Variants in GRM4 observed in about 807,000 individuals in gnomAD.
GRM4 encodes the protein glutamate metabotropic receptor 4.
Under a neutral mutation model 81.7 loss-of-function variants are expected in GRM4, and 28 were observed. The ratio of observed to expected loss-of-function variants is 0.34; its 90% CI spans 0.25 to 0.47. GRM4 has a LOEUF of 0.47. Among genes scored for constraint, GRM4 ranks in the 20% least tolerant of loss-of-function variants. The pLI is 1.00. For missense variants in GRM4, 948 were observed against 1,290.0 expected (o/e 0.73, Z 4.06); for synonymous variants, 488 against 528.8 (o/e 0.92, Z 1.06).
Position 34,068,983 on chromosome 6 carries a change from C to A in GRM4, c.737-6955G>T, listed in dbSNP as rs561997333. On this transcript the variant is annotated intron_variant, in intron 3 of 10. Transcript: ENST00000538487. This position sits in a 1 kb window ranked among gnomAD's most constrained non-coding sequence, Gnocchi z 4.2. ...GAGGAAAATAATGAAAAGACAAACC[C>A]TAGGAATTCAAGTGGAAAAATCTAC... Among the ~76,000 whole-genome samples the A allele has an allele frequency of 6.6e-6, 1 of 152,018 alleles. No individual in the cohort carries two copies. The highest frequency in any genetic ancestry group is 1.5e-5 in the Non-Finnish European group (1 of 67,958).
chr6:34,118,035 G>A (rs1561823211), intron 2 of GRM4, among the ~76,000 whole-genome samples: 1 of 152,284 alleles, frequency 6.6e-6, no homozygotes, highest in African/African-American at 2.4e-5. Flanking sequence ...GACAAAAGCT[G>A]GCTACAGAAC....
chr6:34,077,651 A>AC (rs895863108), intron 3 of GRM4, among the ~76,000 whole-genome samples: 6 of 145,934 alleles, frequency 4.1e-5, no homozygotes, highest in Admixed American at 1.4e-4. Flanking sequence ...CTCCTCTCCC[A>AC]CCCCCAACTC....
intron 6 of GRM4, among the ~76,000 whole-genome samples, chr6:34,041,502 ATCC>A (rs1289592772): frequency 6.6e-6 from 1 of 151,916 alleles, no homozygotes; most frequent in Admixed American, 6.5e-5. Context: ...CTGACCTCCC[ATCC>A]TCCTCCCCTC....
At chr6:34,091,003 C>T (rs927226096) in intron 3 of GRM4, among the ~76,000 whole-genome samples, 1 of 152,036 alleles carries the variant, frequency 6.6e-6, no homozygotes, top group African/African-American at 2.4e-5. Context: ...AGGCACCATC[C>T]TTCAGCCCCA....
intron 2 of GRM4, among the ~76,000 whole-genome samples, chr6:34,101,146 G>A (rs16894846): frequency 0.04 from 6,093 of 152,234 alleles, 410 homozygotes; most frequent in East Asian, 0.28. Flanking sequence ...TGGTTTGGGC[G>A]GAATTGTATT....
chr6:34,144,163 G>C (rs545702402), intron 1 of GRM4, among the ~76,000 whole-genome samples: 74 of 151,582 alleles, frequency 4.9e-4, no homozygotes, highest in African/African-American at 1.8e-3. Flanking sequence ...TCGTACGTTC[G>C]GGCCTCAGGA....
rs10635207 is a variant in GRM4 at position 34,136,563 on chromosome 6, G to GACACACAC, written c.-363-2712_-363-2705dup. ...GCTGAGCAGTGCATGCGCGCGTGCG[G>GACACACAC]ACACACACACACACACACACACACA... On this transcript the variant is annotated intron_variant, in intron 1 of 10. Transcript: ENST00000538487. The surrounding 1 kb of genome is among the most constrained non-coding windows in gnomAD (Gnocchi z 4.1). Among the ~76,000 whole-genome samples, 10,078 of 142,386 alleles carry GACACACAC rather than the reference G, an allele frequency of 0.071. 461 individuals are homozygous for GACACACAC. The highest frequency in any genetic ancestry group is 0.093 in the East Asian group (444 of 4,756). The allele number at this position is 142,386 out of a possible 152,430, so 93.4% of individuals were successfully genotyped here. A position where few individuals can be genotyped will look rare whatever the true frequency, so the allele number is the denominator to read the frequency against.
rs1185981840 is a variant in GRM4, at chr6:34,121,528, T to TC, written c.519+11449dup. 6.6e-6 allele frequency among the ~76,000 whole-genome samples: 1 copy of TC among 152,082 alleles called. No homozygotes were observed. The highest frequency in any genetic ancestry group is 1.5e-5 in the Non-Finnish European group (1 of 68,022). Reference sequence around the variant, plus strand: ...GGGCCCCGCTCTACCCAGCCAGAGCTCCCCCTCCAGGAGATTTCAACTCTG... The same window carrying TC: ...GGGCCCCGCTCTACCCAGCCAGAGCTCCCCCCTCCAGGAGATTTCAACTCTG... On this transcript the variant is annotated intron_variant, in intron 2 of 10. Coordinates refer to ENST00000538487, the MANE Select transcript of GRM4 (RefSeq NM_000841.4). The surrounding 1 kb of genome is among the most constrained non-coding windows in gnomAD (Gnocchi z 4.6).
chr6:34,049,638 C>T (rs1765515408), intron 6 of GRM4, among the ~76,000 whole-genome samples: 1 of 152,182 alleles, frequency 6.6e-6, no homozygotes, highest in South Asian at 2.1e-4. Flanking sequence ...CCTTCCTTCC[C>T]AGCCTGCTCC....
chr6:34,069,196 ACACACACACG>A lies in GRM4; in HGVS notation c.737-7178_737-7169del, dbSNP rs1477119200. ...CACACACACACACACACACACACAC[ACACACACACG>A]CACGCACACACGGCTCCTTCCTTCT... On this transcript the variant is annotated intron_variant, in intron 3 of 10. Coordinates refer to ENST00000538487, the MANE Select transcript of GRM4 (RefSeq NM_000841.4). This position sits in a 1 kb window ranked among gnomAD's most constrained non-coding sequence, Gnocchi z 6.4. Among the ~76,000 whole-genome samples the A allele has an allele frequency of 7.0e-4, 102 of 144,736 alleles. No individual in the cohort carries two copies. In the Middle Eastern group the frequency reaches 0.01, roughly 15 times the overall value. The allele number at this position is 144,736 out of a possible 152,430, so 95.0% of individuals were successfully genotyped here.
chr6:34,109,805 T>C (rs370691232), intron 2 of GRM4, among the ~76,000 whole-genome samples: 28 of 152,226 alleles, frequency 1.8e-4, no homozygotes, highest in African/African-American at 6.0e-4. Flanking sequence ...GCTTTCAGGA[T>C]ACTGAGCTGA....
At chr6:34,098,377 C>T (rs767511491) in intron 2 of GRM4, among the ~76,000 whole-genome samples, 2 of 152,192 alleles carry the variant, frequency 1.3e-5, no homozygotes, top group Non-Finnish European at 2.9e-5. Context: ...TGGGCATGCC[C>T]TCCAGGCCTC....
chr6:34,072,316 A>T (rs1581653657), intron 3 of GRM4, among the ~76,000 whole-genome samples: 1 of 149,312 alleles, frequency 6.7e-6, no homozygotes, highest in African/African-American at 2.5e-5. Context: ...TCACACAGAT[A>T]CACACCACAC....
At chr6:34,139,591 G>T (rs1014602366) in intron 1 of GRM4, among the ~76,000 whole-genome samples, 2 of 152,140 alleles carry the variant, frequency 1.3e-5, no homozygotes, top group Non-Finnish European at 2.9e-5. Flanking sequence ...TGTTAACAAT[G>T]ACCAGGCTGG....
Position 34,091,987 on chromosome 6 carries a change from T to TC in GRM4, c.631dup (p.Asp211GlyfsTer22). 1 of 1,614,084 alleles carries TC rather than the reference T, an allele frequency of 6.2e-7. No homozygotes were observed. The highest frequency in any genetic ancestry group is 8.5e-7 in the Non-Finnish European group (1 of 1,179,920). On this transcript the variant is annotated frameshift_variant, in exon 3 of 11. Transcript: ENST00000538487. LOFTEE classifies it high-confidence loss of function. The stretch of plus-strand genomic sequence containing the variant: ...GTTCCACTTGAGGGCACGGACGATG[T>TC]CCACCATGGCCTGGGCCTGGTACGT...
chr6:34,095,104 TG>T (rs903893840), intron 2 of GRM4, among the ~76,000 whole-genome samples: 2 of 152,220 alleles, frequency 1.3e-5, no homozygotes, highest in African/African-American at 4.8e-5. Context: ...CATGTGCTCC[TG>T]CAGGATATGC....
At chr6:34,076,385 G>A (rs189173404) in intron 3 of GRM4, among the ~76,000 whole-genome samples, 17 of 152,262 alleles carry the variant, frequency 1.1e-4, no homozygotes, top group African/African-American at 3.8e-4. Context: ...GGGTGGCAAA[G>A]AGCCCGGCTC....
In GRM4 at chr6:34,023,425, G is replaced by A. The variant is rs984005795; in HGVS notation, c.2690-555C>T. On this transcript the variant is annotated intron_variant, in intron 10 of 10. Coordinates refer to ENST00000538487, the MANE Select transcript of GRM4 (RefSeq NM_000841.4). ...CTAAGGGAAGAGAGTGGGGAACAGGGACAGAGGAAATAAATAATGAAAACC... is the reference window on the plus strand; with the variant it reads ...CTAAGGGAAGAGAGTGGGGAACAGGAACAGAGGAAATAAATAATGAAAACC... Among the ~76,000 whole-genome samples the A allele has an allele frequency of 3.2e-4, 49 of 152,180 alleles. 1 individual carries two copies. Among genetic ancestry groups the A allele is most frequent in the Admixed American group, 3.1e-3 (48 of 15,280 alleles).
At chr6:34,147,379 C>G (rs923525572), upstream of GRM4, among the ~76,000 whole-genome samples, 4 of 152,200 alleles carry the variant, frequency 2.6e-5, no homozygotes, top group African/African-American at 9.7e-5. Flanking sequence ...TTCCTGCTGC[C>G]CAGCAGCTCT....
Sources: gnomAD v4.1 joint callset for allele counts (sites outside exome capture counted in the v4.1 genomes callset) on GRCh38, gnomAD v4.1.1 for gene constraint, Gnocchi (gnomAD v3.1) non-coding constraint, MANE v1.5 for transcripts, NCBI Gene and HGNC (gene_info 2026-07-23, HGNC 2026-07-21) for gene names.